The following NEBL variants were observed in gnomAD, a reference collection of about 807,000 sequenced individuals.
NEBL encodes the protein LIM and SH3 protein 2.
Under a neutral mutation model 140.2 loss-of-function variants are expected in NEBL, and 122 were observed. That is an observed-to-expected ratio of 0.87 (90% CI 0.75 to 1.01). NEBL has a LOEUF of 1.01. Among genes scored for constraint, NEBL ranks in the 50% least tolerant of loss-of-function variants. The pLI, the probability that NEBL is intolerant of heterozygous loss-of-function variation, is 0.00. For synonymous variants in NEBL, 436 were observed against 398.9 expected (o/e 1.09, Z -1.11); for missense variants, 1,365 against 1,231.3 (o/e 1.11, Z -1.62).
At chr10:20,895,479 T>G (rs1381165926) in intron 2 of NEBL, among the ~76,000 whole-genome samples, 1 of 152,128 alleles carries the variant, frequency 6.6e-6, no homozygotes, top group African/African-American at 2.4e-5. Context: ...TGCCTCTATC[T>G]CCTCGCTTCA....
chr10:21,204,538 C>T (rs568538663), intron 3 of NEBL, among the ~76,000 whole-genome samples: 3 of 152,114 alleles, frequency 2.0e-5, no homozygotes, highest in Admixed American at 2.0e-4. Context: ...AGAGCCCTCA[C>T]CAGAAACTAT....
At position 21,169,430 on chromosome 10, in the gene NEBL, T is replaced by C. The variant is rs1183279975; in HGVS notation, c.164+2953A>G. 2.6e-5 allele frequency among the ~76,000 whole-genome samples: 4 copies of C among 152,188 alleles called. No individual in the cohort carries two copies. In the South Asian group the frequency reaches 6.2e-4, roughly 24 times the overall value. Reference sequence around the variant, plus strand: ...TGACCCGGAGAAATTATGGCGGCCCTCTGGCCACAACCACAGGGAGCAGCT... The same window carrying C: ...TGACCCGGAGAAATTATGGCGGCCCCCTGGCCACAACCACAGGGAGCAGCT... On this transcript the variant is annotated intron_variant, in intron 2 of 6. Transcript: ENST00000417816.
intron 3 of NEBL, among the ~76,000 whole-genome samples, chr10:21,237,854 G>T (rs941461133): frequency 2.6e-5 from 4 of 151,794 alleles, no homozygotes; most frequent in African/African-American, 7.3e-5. Context: ...TGATCCACCC[G>T]CCTCAATCTC....
chr10:21,200,239 C>T (rs554576897), intron 3 of NEBL, among the ~76,000 whole-genome samples: 60 of 151,160 alleles, frequency 4.0e-4, no homozygotes, highest in African/African-American at 1.3e-3. Flanking sequence ...TGACCTAAGA[C>T]GACAGCTGAC....
rs192009644 is a variant in NEBL, at chr10:20,915,855, T to C, written c.357+45817A>G. Among the ~76,000 whole-genome samples, 19 of 152,364 alleles carry C rather than the reference T, an allele frequency of 1.2e-4. 3 individuals are homozygous for C. The highest frequency in any genetic ancestry group is 4.6e-4 in the African/African-American group (19 of 41,592). The stretch of plus-strand genomic sequence containing the variant: ...CACTGACTTCCCCAAGGGCAGGCTC[T>C]GAAATTTTTAAACTTTTGAATTGGA... On this transcript the variant is annotated intron_variant, in intron 4 of 6. Coordinates refer to the NEBL transcript ENST00000417816.
At chr10:20,906,472 G>T (rs555408782) in intron 4 of NEBL, among the ~76,000 whole-genome samples, 130 of 152,056 alleles carry the variant, frequency 8.5e-4, no homozygotes, top group African/African-American at 3.1e-3. Flanking sequence ...TAAACTATAA[G>T]ATAATATCAA....
intron 5 of NEBL, among the ~76,000 whole-genome samples, chr10:20,880,273 C>T (rs545111982): frequency 1.3e-5 from 2 of 152,114 alleles, no homozygotes; most frequent in Non-Finnish European, 2.9e-5. Context: ...AGGCAGAGAA[C>T]TACTTGAACC....
chr10:21,139,002 T>C (rs1839490378), intron 2 of NEBL, among the ~76,000 whole-genome samples: 1 of 152,326 alleles, frequency 6.6e-6, no homozygotes, highest in Non-Finnish European at 1.5e-5. Flanking sequence ...ACGTGATCTA[T>C]TCCTACTTTG....
chr10:21,244,222 G>A (rs1014591310), intron 3 of NEBL, among the ~76,000 whole-genome samples: 1 of 151,936 alleles, frequency 6.6e-6, no homozygotes, highest in African/African-American at 2.4e-5. Context: ...GGAGCGCAGT[G>A]TGGCCCGATC....
chr10:21,015,704 A>C (rs7904906), intron 3 of NEBL, among the ~76,000 whole-genome samples: 1 of 151,798 alleles, frequency 6.6e-6, no homozygotes, highest in African/African-American at 2.4e-5. Context: ...TAGAAACAGG[A>C]GTCTCCCTAT....
At chr10:21,249,826 G>C (rs1308236536) in intron 2 of NEBL, among the ~76,000 whole-genome samples, 1 of 152,118 alleles carries the variant, frequency 6.6e-6, no homozygotes, top group Non-Finnish European at 1.5e-5. Flanking sequence ...CACTTCGGGA[G>C]GCTGAGGTGG....
chr10:21,275,542 A>G (rs2132292996), intron 1 of NEBL, among the ~76,000 whole-genome samples: 1 of 149,398 alleles, frequency 6.7e-6, no homozygotes, highest in East Asian at 2.0e-4. Flanking sequence ...TCCTCCTAAT[A>G]TTTCCTGAGA....
At chr10:21,055,791 C>G (rs1243453998) in intron 2 of NEBL, among the ~76,000 whole-genome samples, 1 of 152,202 alleles carries the variant, frequency 6.6e-6, no homozygotes, top group Non-Finnish European at 1.5e-5. Context: ...AAATTAGCAT[C>G]AAGTGTAGCC....
In NEBL at chr10:20,830,912, T is replaced by TAAA. The variant is rs371760760; in HGVS notation, c.1671+281_1671+283dup. ...GAGTGAGACCTCCATCTCTAAAATT[T>TAAA]AAAAAAAAAAAAAAAAAAAAAAAGG... On this transcript the variant is annotated intron_variant, in intron 16 of 27. Coordinates refer to ENST00000377122, the MANE Select transcript of NEBL (RefSeq NM_006393.3). Among the ~76,000 whole-genome samples, 14,585 of 91,858 alleles carry TAAA rather than the reference T, an allele frequency of 0.16. 1,042 individuals carry two copies. Among genetic ancestry groups the TAAA allele is most frequent in the East Asian group, 0.36 (1,019 of 2,816 alleles). The allele number at this position is 91,858 out of a possible 152,430, so 60.3% of individuals were successfully genotyped here. A position where few individuals can be genotyped will look rare whatever the true frequency, so the allele number is the denominator to read the frequency against.
chr10:20,795,085 G>A (rs1318630128), intron 26 of NEBL, among the ~76,000 whole-genome samples: 2 of 152,026 alleles, frequency 1.3e-5, no homozygotes, highest in African/African-American at 4.8e-5. Flanking sequence ...AAAACAGTGT[G>A]AGATTAATTT....
At chr10:20,963,246 A>T (rs1836141797) in intron 3 of NEBL, among the ~76,000 whole-genome samples, 1 of 152,216 alleles carries the variant, frequency 6.6e-6, no homozygotes, top group Non-Finnish European at 1.5e-5. Flanking sequence ...GTAAAGATCC[A>T]CATGCTGGCA....
At chr10:21,175,616 C>A (rs1252601524), upstream of NEBL, among the ~76,000 whole-genome samples, 1 of 152,240 alleles carries the variant, frequency 6.6e-6, no homozygotes, top group Non-Finnish European at 1.5e-5. Context: ...GTTTGACTTT[C>A]CAGAAGATGT....
chr10:21,029,742 T>TC (rs144538235), intron 2 of NEBL: 191,268 of 804,058 alleles, frequency 0.24, 24,398 homozygotes, highest in Middle Eastern at 0.29. Context: ...CATGCCGGGA[T>TC]ATGGATCGAT....
intron 1 of NEBL, among the ~76,000 whole-genome samples, chr10:21,278,287 T>C (rs1000380568): frequency 2.0e-5 from 3 of 151,810 alleles, no homozygotes; most frequent in African/African-American, 7.3e-5. Flanking sequence ...AGAATAAAAA[T>C]AAAAACATGA....
Sources: gnomAD v4.1 joint callset for allele counts (sites outside exome capture counted in the v4.1 genomes callset) on GRCh38, gnomAD v4.1.1 for gene constraint, MANE v1.5 for transcripts, NCBI Gene and HGNC (gene_info 2026-07-23, HGNC 2026-07-21) for gene names.